Variants in FN1 observed in about 807,000 individuals in gnomAD.
The protein encoded by FN1 is fibronectin 1.
Under a neutral mutation model 297.3 loss-of-function variants are expected in FN1, and 106 were observed. That is an observed-to-expected ratio of 0.36 (90% CI 0.30 to 0.42). The LOEUF (loss-of-function observed/expected upper bound fraction) is 0.42, where lower values mean the gene tolerates loss of function less well. FN1 is among the 10% of genes least tolerant of loss of function. The probability of loss-of-function intolerance (pLI) is 1.00; values close to 1 mark genes in which losing one functional copy is unlikely to be tolerated. For synonymous variants in FN1, 1,149 were observed against 1,152.6 expected, an observed-to-expected ratio of 1.00 and a Z score of 0.06; for missense variants, 2,690 against 3,124.9, an observed-to-expected ratio of 0.86 and a Z score of 3.32.
chr2:215,385,340 T>C (rs1254182741), intron 28 of FN1, among the ~76,000 whole-genome samples: 1 of 150,696 alleles, frequency 6.6e-6, no homozygotes, highest in Non-Finnish European at 1.5e-5. Flanking sequence ...GGCGGGTGGA[T>C]CATTTGAGGT....
In FN1 at chr2:215,372,382, G is replaced by A. The variant is rs774537662; in HGVS notation, c.6248-7C>T. ...ACCAGTTGGGGAAGCTCGTCTAGCC[G>A]AGAGAGGTTAGAGCCAAAAAAGCAA... On this transcript the variant is annotated splice_polypyrimidine_tract_variant and splice_region_variant and intron_variant, in intron 39 of 45. Coordinates refer to ENST00000354785, the MANE Select transcript of FN1 (RefSeq NM_212482.4). 31 of 1,611,994 alleles carry A rather than the reference G, an allele frequency of 1.9e-5. No homozygotes were observed. The highest frequency in any genetic ancestry group is 5.5e-5 in the South Asian group (5 of 91,022).
intron 34 of FN1, among the ~76,000 whole-genome samples, chr2:215,378,659 T>C (rs1057023167): frequency 4.6e-5 from 7 of 152,202 alleles, no homozygotes; most frequent in African/African-American, 1.2e-4. Flanking sequence ...TCCCCTGAAA[T>C]TGGCCTTATG....
intron 36 of FN1, among the ~76,000 whole-genome samples, chr2:215,375,976 A>C (rs758323214): frequency 3.9e-5 from 6 of 152,356 alleles, no homozygotes; most frequent in Non-Finnish European, 7.3e-5. Flanking sequence ...CTATGTTGGA[A>C]GAGGCCCTCT....
At position 215,405,300 on chromosome 2, in the gene FN1, C is replaced by A. The variant is rs548859973; in HGVS notation, c.2987-645G>T. ...AAATTACCTTTCAAATAGAGGAAAT[C>A]TTTAAGAGGCAGTCGAGTATAATAA... On this transcript the variant is annotated intron_variant, in intron 19 of 45. Coordinates refer to ENST00000354785, the MANE Select transcript of FN1 (RefSeq NM_212482.4). 5.3e-5 allele frequency among the ~76,000 whole-genome samples: 8 copies of A among 152,306 alleles called. No homozygotes were observed. The South Asian group carries it at 1.7e-3, about 32-fold the overall frequency.
In FN1 at chr2:215,381,527, G is replaced by T. The variant is rs897072241; in HGVS notation, c.5165-447C>A. On this transcript the variant is annotated intron_variant, in intron 32 of 45. Transcript: ENST00000354785. ...CTCACTCTATCACCTAGGCTGGGGT[G>T]CAGAGGCATGATCTTGGCTCACTGC... 1.1e-5 allele frequency: 3 copies of T among 275,620 alleles called. No individual in the cohort carries two copies. In the East Asian group the frequency reaches 3.1e-4, roughly 29 times the overall value. The allele number at this position is 275,620 out of a possible 1,614,324, so 17.1% of individuals were successfully genotyped here. A position where few individuals can be genotyped will look rare whatever the true frequency, so the allele number is the denominator to read the frequency against.
intron 35 of FN1, among the ~76,000 whole-genome samples, chr2:215,377,109 TGTC>T (rs1158414724): frequency 1.3e-5 from 2 of 150,032 alleles, no homozygotes; most frequent in African/African-American, 5.0e-5. Context: ...TGTGTGTGTG[TGTC>T]TAATATTACG....
intron 13 of FN1, among the ~76,000 whole-genome samples, chr2:215,413,086 T>A (rs1419583471): frequency 6.6e-6 from 1 of 152,190 alleles, no homozygotes; most frequent in African/African-American, 2.4e-5. Context: ...CATTTTAGTT[T>A]GCTTCGTATA....
chr2:215,381,208 AG>A, intron 32 of FN1, 128 bp from the exon 33 acceptor site: 1 of 890,964 alleles, frequency 1.1e-6, no homozygotes, highest in East Asian at 2.5e-5. Context: ...CACTATCAAA[AG>A]GAAAAATCAC....
At chr2:215,424,416 C>A in intron 7 of FN1, 91 bp from the exon 8 acceptor site, 1 of 1,037,668 alleles carries the variant, frequency 9.6e-7, no homozygotes. Flanking sequence ...AGATACTGAG[C>A]TTGTGCCCTC....
At chr2:215,370,537 A>C in intron 40 of FN1, 105 bp from the exon 41 acceptor site, 1 of 653,158 alleles carries the variant, frequency 1.5e-6, no homozygotes, top group Non-Finnish European at 2.3e-6. Flanking sequence ...AAGCAAAGGA[A>C]GACAAAAAAC....
At chr2:215,391,940 C>T in intron 25 of FN1, 126 bp from the exon 26 acceptor site, 1 of 799,088 alleles carries the variant, frequency 1.3e-6, no homozygotes, top group Non-Finnish European at 2.1e-6. Context: ...TGCAAACAGT[C>T]TAATCTAAGT....
At chr2:215,413,862 T>C (rs1479001218) in intron 13 of FN1, among the ~76,000 whole-genome samples, 2 of 152,224 alleles carry the variant, frequency 1.3e-5, no homozygotes, top group Non-Finnish European at 2.9e-5. Context: ...AGTTTCTTTT[T>C]ATCCTTGGAA....
intron 34 of FN1, 53 bp downstream of exon 34, chr2:215,379,077 T>C: frequency 6.9e-7 from 1 of 1,439,726 alleles, no homozygotes; most frequent in Non-Finnish European, 9.8e-7. Context: ...CCTTAGAAAC[T>C]GTGTTAGAGA....
At chr2:215,364,542 T>C (rs1440313174) in intron 44 of FN1, 9 of 393,540 alleles carry the variant, frequency 2.3e-5, no homozygotes, top group African/African-American at 1.6e-4. Context: ...TCAGTGTAAA[T>C]AGTATCTCTG....
At chr2:215,415,134 C>T (rs1346935645) in intron 12 of FN1, among the ~76,000 whole-genome samples, 176 bp from the exon 13 acceptor site, 1 of 151,998 alleles carries the variant, frequency 6.6e-6, no homozygotes, top group East Asian at 1.9e-4. Context: ...TGCAGCAAAT[C>T]CATTTTTAGC....
intron 38 of FN1, 101 bp from the exon 39 acceptor site, chr2:215,373,512 T>A: frequency 1.1e-6 from 1 of 919,228 alleles, no homozygotes; most frequent in Non-Finnish European, 1.8e-6. Context: ...GCACTTCCTC[T>A]CCAGCTGGCT....
At chr2:215,391,573 G>T in intron 26 of FN1, 59 bp downstream of exon 26, 2 of 1,465,800 alleles carry the variant, frequency 1.4e-6, no homozygotes, top group Non-Finnish European at 1.9e-6. Context: ...TGAGAATTTA[G>T]AATTCATTTG....
At position 215,420,462 on chromosome 2, in the gene FN1, T is replaced by G. The variant is rs548581703; in HGVS notation, c.1675+211A>C. On this transcript the variant is annotated intron_variant, in intron 11 of 45. Transcript: ENST00000354785. ...TCCATTCAATTAAAATAAGCCTAAA[T>G]TTGTCACCAAATTCAGCAAAAACCA... Among the ~76,000 whole-genome samples, 24 of 152,292 alleles carry G rather than the reference T, an allele frequency of 1.6e-4. No homozygotes were observed. The South Asian group carries it at 5.0e-3, about 32-fold the overall frequency.
rs754091682 is a variant in FN1 at position 215,433,364 on chromosome 2, G to A, written c.375C>T (p.Cys125=). The A allele has an allele frequency of 1.7e-5, 28 of 1,614,014 alleles. No individual in the cohort carries two copies. Among genetic ancestry groups the A allele is most frequent in the Admixed American group, 3.3e-5 (2 of 60,004 alleles). Residue 125 remains cysteine (C), a synonymous_variant, in exon 3 of 46, where the codon TGC becomes TGT. Coordinates refer to ENST00000354785, the MANE Select transcript of FN1 (RefSeq NM_212482.4). ...TTATTCTCCCTCGCCCAGCCCCGAT[G>A]CAGGTACAGTCCCAGATCATGGAGT... ...PKDSMIWDCT[C]IGAGRGRISC...
Sources: gnomAD v4.1 joint callset for allele counts (sites outside exome capture counted in the v4.1 genomes callset) on GRCh38, gnomAD v4.1.1 for gene constraint, MANE v1.5 for transcripts, NCBI Gene and HGNC (gene_info 2026-07-23, HGNC 2026-07-21) for gene names.